The following RUNX1 variants were observed in gnomAD, a reference collection of about 807,000 sequenced individuals.
The protein encoded by RUNX1 is runt-related transcription factor 1.
A neutral mutation model predicts 42.8 loss-of-function variants in RUNX1; 19 were observed. The observed-to-expected ratio is 0.44, with a 90% CI of 0.31 to 0.65. The LOEUF is 0.65. Among genes scored for constraint, RUNX1 ranks in the 30% least tolerant of loss-of-function variants. RUNX1 has a pLI of 0.07. For missense variants in RUNX1, 528 were observed against 672.0 expected, an observed-to-expected ratio of 0.79 and a Z score of 2.37; for synonymous variants, 271 against 289.4, an observed-to-expected ratio of 0.94 and a Z score of 0.64.
At chr21:34,928,545 G>A (rs1285489541) in intron 2 of RUNX1, among the ~76,000 whole-genome samples, 1 of 151,934 alleles carries the variant, frequency 6.6e-6, no homozygotes, top group Non-Finnish European at 1.5e-5. Context: ...AATACAAAAA[G>A]TAGCTGGGCA....
intron 2 of RUNX1, among the ~76,000 whole-genome samples, chr21:34,960,989 C>G (rs2058678055): frequency 2.0e-5 from 3 of 152,170 alleles, no homozygotes; most frequent in Non-Finnish European, 4.4e-5. Flanking sequence ...ATAAAATAGT[C>G]TTGTAGCATA....
chr21:34,879,909 T>G (rs1017923584), intron 5 of RUNX1, among the ~76,000 whole-genome samples: 4 of 152,224 alleles, frequency 2.6e-5, no homozygotes, highest in African/African-American at 7.2e-5. Context: ...CAACAATTTC[T>G]TGGATAATCC....
At chr21:34,903,731 T>C (rs1380239256) in intron 2 of RUNX1, among the ~76,000 whole-genome samples, 1 of 152,208 alleles carries the variant, frequency 6.6e-6, no homozygotes. Context: ...TACTTTCATA[T>C]TAATCCTGTT....
At chr21:34,916,119 T>C (rs77369147) in intron 2 of RUNX1, among the ~76,000 whole-genome samples, 1,886 of 152,302 alleles carry the variant, frequency 0.012, 26 homozygotes, top group African/African-American at 0.043. Flanking sequence ...TTTGCTGAAG[T>C]CACTGATTGA....
chr21:34,885,702 A>C (rs2057973721), intron 4 of RUNX1, among the ~76,000 whole-genome samples: 1 of 152,260 alleles, frequency 6.6e-6, no homozygotes, highest in Non-Finnish European at 1.5e-5. Context: ...TGGAACTATA[A>C]AAAGCTTATA....
intron 5 of RUNX1, among the ~76,000 whole-genome samples, chr21:34,878,234 CACTT>C (rs546919517): frequency 2.0e-3 from 300 of 148,214 alleles, no homozygotes; most frequent in African/African-American, 7.0e-3. Flanking sequence ...TTGGTGTTGA[CACTT>C]ACACTTGAAA....
chr21:34,970,793 A>G (rs1454403628), intron 2 of RUNX1, among the ~76,000 whole-genome samples: 1 of 152,166 alleles, frequency 6.6e-6, no homozygotes, highest in Non-Finnish European at 1.5e-5. Flanking sequence ...ATGTAGCAAG[A>G]GGTTAACAGT....
At chr21:34,861,572 A>G (rs2057576266) in intron 5 of RUNX1, among the ~76,000 whole-genome samples, 1 of 152,098 alleles carries the variant, frequency 6.6e-6, no homozygotes, top group Non-Finnish European at 1.5e-5. Context: ...CTTCTCACTA[A>G]TAAGACCCTG....
At chr21:34,899,915 C>T (rs915750796) in intron 2 of RUNX1, among the ~76,000 whole-genome samples, 5 of 152,190 alleles carry the variant, frequency 3.3e-5, no homozygotes, top group South Asian at 2.1e-4. Flanking sequence ...AAGGCCAAGG[C>T]TGGATGATTG....
At chr21:34,847,156 CTG>C (rs2057329301) in intron 6 of RUNX1, among the ~76,000 whole-genome samples, 1 of 152,152 alleles carries the variant, frequency 6.6e-6, no homozygotes, top group African/African-American at 2.4e-5. Flanking sequence ...AGAAGAAAAA[CTG>C]TATTTGGTCT....
At chr21:34,985,142 A>C (rs1218461130) in intron 2 of RUNX1, among the ~76,000 whole-genome samples, 1 of 152,238 alleles carries the variant, frequency 6.6e-6, no homozygotes, top group African/African-American at 2.4e-5. Context: ...TGAGTTAATA[A>C]ATGAAGGTAA....
At chr21:35,016,763 C>T (rs1009422757) in intron 2 of RUNX1, among the ~76,000 whole-genome samples, 3 of 152,206 alleles carry the variant, frequency 2.0e-5, no homozygotes, top group Non-Finnish European at 2.9e-5. Context: ...TTGCCCCAGG[C>T]CCCCTTCCAT....
chr21:34,886,809 GCCTGTCCTCC>G (rs753926196), intron 4 of RUNX1, 24 bp downstream of exon 4: 2 of 1,611,448 alleles, frequency 1.2e-6, no homozygotes, highest in Non-Finnish European at 1.7e-6. Context: ...GCCGGCCTCC[GCCTGTCCTCC>G]CACCACCCTC....
At chr21:35,003,382 C>T (rs1296582865) in intron 2 of RUNX1, among the ~76,000 whole-genome samples, 2 of 152,026 alleles carry the variant, frequency 1.3e-5, no homozygotes, top group Non-Finnish European at 2.9e-5. Flanking sequence ...CAAGGACGAA[C>T]GGTAATGGGA....
intron 2 of RUNX1, among the ~76,000 whole-genome samples, chr21:35,007,012 G>C (rs1222527899): frequency 6.6e-6 from 1 of 152,124 alleles, no homozygotes; most frequent in Admixed American, 6.5e-5. Context: ...CTTGGTATTG[G>C]TGCCACCAGC....
intron 2 of RUNX1, among the ~76,000 whole-genome samples, chr21:34,939,556 C>T (rs2058511269): frequency 6.6e-6 from 1 of 152,182 alleles, no homozygotes; most frequent in African/African-American, 2.4e-5. Context: ...GAGGGGCCCT[C>T]TAGTCTCAGT....
At chr21:35,019,613 C>G (rs907253285) in intron 2 of RUNX1, among the ~76,000 whole-genome samples, 2 of 152,162 alleles carry the variant, frequency 1.3e-5, no homozygotes, top group African/African-American at 4.8e-5. Context: ...ATGTGGCAAA[C>G]CTCCTTGAGC....
At chr21:34,969,674 T>C (rs376394273) in intron 2 of RUNX1, among the ~76,000 whole-genome samples, 1 of 150,978 alleles carries the variant, frequency 6.6e-6, no homozygotes, top group African/African-American at 2.4e-5. Context: ...GGTCTGCATA[T>C]GGTGCAATGC....
intron 2 of RUNX1, among the ~76,000 whole-genome samples, chr21:34,962,212 T>C (rs562908463): frequency 7.2e-5 from 11 of 152,072 alleles, no homozygotes; most frequent in Non-Finnish European, 1.5e-4. Context: ...ATTTAAATTC[T>C]TTTTTTTCCA....
Sources: gnomAD v4.1 joint callset for allele counts (sites outside exome capture counted in the v4.1 genomes callset) on GRCh38, gnomAD v4.1.1 for gene constraint, MANE v1.5 for transcripts, NCBI Gene and HGNC (gene_info 2026-07-23, HGNC 2026-07-21) for gene names.